Variants in SRP19 observed in about 807,000 individuals in gnomAD.
The protein encoded by SRP19 is signal recognition particle 19 kDa protein.
SRP19 carries 11 observed loss-of-function variants against 22.4 expected under a neutral mutation model. The ratio of observed to expected loss-of-function variants is 0.49; its 90% CI spans 0.31 to 0.81. The LOEUF (loss-of-function observed/expected upper bound fraction) is 0.81, where lower values mean the gene tolerates loss of function less well. SRP19 is among the 40% of genes least tolerant of loss of function. The pLI, the probability that SRP19 is intolerant of heterozygous loss-of-function variation, is 0.05. For missense variants in SRP19, 168 were observed against 175.9 expected (o/e 0.96, Z 0.25); for synonymous variants, 61 against 57.6 (o/e 1.06, Z -0.27).
At chr5:112,870,646 G>A (rs939845722), downstream of SRP19, among the ~76,000 whole-genome samples, 1 of 152,190 alleles carries the variant, frequency 6.6e-6, no homozygotes, top group Admixed American at 6.5e-5. Context: ...TTATTGAGAG[G>A]TGGAACCTTT....
intron 4 of SRP19, among the ~76,000 whole-genome samples, chr5:112,879,951 T>C (rs1561645212): frequency 6.6e-6 from 1 of 151,594 alleles, no homozygotes; most frequent in Non-Finnish European, 1.5e-5. Flanking sequence ...TAAAAGCCCA[T>C]CTCTAGTTAA....
At chr5:112,893,535 T>TC (rs2150040729), downstream of SRP19, 1 of 154,870 alleles carries the variant, frequency 6.5e-6, no homozygotes, top group East Asian at 1.9e-4. Context: ...TCTTCACCTT[T>TC]CCTATTCCTT....
At chr5:112,873,303 T>G (rs1264677836), downstream of SRP19, among the ~76,000 whole-genome samples, 2 of 144,346 alleles carry the variant, frequency 1.4e-5, no homozygotes, top group African/African-American at 2.6e-5. Context: ...TTTTTTGCCT[T>G]TATTTAGATT....
downstream of SRP19, chr5:112,894,299 T>A (rs1400310724): frequency 6.6e-6 from 1 of 152,262 alleles, no homozygotes; most frequent in Admixed American, 6.5e-5. Flanking sequence ...TTTTGTATTT[T>A]AGTAGAGACA....
At chr5:112,879,796 C>T (rs1015620953) in intron 4 of SRP19, among the ~76,000 whole-genome samples, 3 of 151,884 alleles carry the variant, frequency 2.0e-5, no homozygotes, top group Admixed American at 6.6e-5. Flanking sequence ...ACTTTAAATT[C>T]GGCCAGGCAT....
chr5:112,892,142 G>C (rs1174568398), exon 5 of SRP19: 1 of 1,614,202 alleles, frequency 6.2e-7, no homozygotes, highest in Non-Finnish European at 8.5e-7. Context: ...GTGGATTTCA[G>C]AGTAATGGAG....
rs183313500 is a variant in SRP19, at chr5:112,889,485, T to G, written c.302-2118T>G. On this transcript the variant is annotated intron_variant, in intron 4 of 4. Transcript: ENST00000391338. Reference sequence around the variant, plus strand: ...GAAGGAAAGCAATTCACCAAGAATATTAAAATTCCTGAACTTGTATATACC... The same window carrying G: ...GAAGGAAAGCAATTCACCAAGAATAGTAAAATTCCTGAACTTGTATATACC... Among the ~76,000 whole-genome samples, 13 of 150,964 alleles carry G rather than the reference T, an allele frequency of 8.6e-5. No individual in the cohort carries two copies. The East Asian group carries it at 2.6e-3, about 30-fold the overall frequency.
intron 4 of SRP19, among the ~76,000 whole-genome samples, chr5:112,888,034 A>C (rs925837677): frequency 6.6e-6 from 1 of 152,162 alleles, no homozygotes; most frequent in Non-Finnish European, 1.5e-5. Flanking sequence ...AGTTTAAAAG[A>C]TTCTAACCAC....
At chr5:112,872,250 G>T (rs1410694733), downstream of SRP19, among the ~76,000 whole-genome samples, 1 of 149,344 alleles carries the variant, frequency 6.7e-6, no homozygotes, top group Non-Finnish European at 1.5e-5. Flanking sequence ...TCTGGTGAAA[G>T]ATTGTGAAAA....
chr5:112,892,584 G>C lies in SRP19; in HGVS notation c.*977G>C, dbSNP rs183322512. 4 of 1,614,150 alleles carry C rather than the reference G, an allele frequency of 2.5e-6. No individual in the cohort carries two copies. The South Asian group carries it at 4.4e-5, about 18-fold the overall frequency. On this transcript the variant is annotated 3_prime_UTR_variant, in exon 5 of 5. Transcript: ENST00000391338. The stretch of plus-strand genomic sequence containing the variant: ...GCCCAGTGACCCGGTGGAAAATGGC[G>C]ATTTGTGGTTTATTTGAAATACAAC...
intron 2 of SRP19, among the ~76,000 whole-genome samples, chr5:112,863,948 T>C (rs1767499838): frequency 6.6e-6 from 1 of 152,200 alleles, no homozygotes; most frequent in Non-Finnish European, 1.5e-5. Flanking sequence ...TGGCCCTTTC[T>C]ACTCTGGATG....
chr5:112,869,953 C>G (rs768485756), downstream of SRP19, among the ~76,000 whole-genome samples: 33 of 151,990 alleles, frequency 2.2e-4, no homozygotes, highest in African/African-American at 3.4e-4. Context: ...TAATACATAC[C>G]TATGATAAAG....
downstream of SRP19, among the ~76,000 whole-genome samples, chr5:112,871,233 C>T (rs916000257): frequency 2.1e-5 from 3 of 141,696 alleles, no homozygotes; most frequent in Non-Finnish European, 4.5e-5. Context: ...GCAATTGGTG[C>T]AATCAGTGAA....
At position 112,861,409 on chromosome 5, in the gene SRP19, C is replaced by T. The variant is rs774748673; in HGVS notation, c.33C>T (p.Asp11=). ...GCGCTGCCGCGCGGTCCCCGGCCGA[C>T]CAGGACAGGTGGGTTCTGAGGCGGT... The part of the protein sequence containing the change: MACAAARSPA[D]QDRFICIYPA... The change falls in exon 1 of 5, where the codon GAC becomes GAT. Residue 11 remains aspartate, a synonymous_variant. Transcript: ENST00000505459. 2 of 1,613,974 alleles carry T rather than the reference C, an allele frequency of 1.2e-6. No individual in the cohort carries two copies. The highest frequency in any genetic ancestry group is 1.1e-5 in the South Asian group (1 of 91,084).
At chr5:112,878,853 G>A in intron 4 of SRP19, 5 of 1,613,962 alleles carry the variant, frequency 3.1e-6, no homozygotes, top group African/African-American at 1.3e-5. Flanking sequence ...TTTGTTAGGA[G>A]GGAAAGAAAA....
downstream of SRP19, chr5:112,897,033 A>G (rs1012905932): frequency 6.6e-6 from 1 of 152,226 alleles, no homozygotes; most frequent in Non-Finnish European, 1.5e-5. Flanking sequence ...AATGTCCTCA[A>G]TGTCTTTCAA....
intron 4 of SRP19, among the ~76,000 whole-genome samples, chr5:112,865,817 C>G (rs948794019): frequency 5.9e-5 from 9 of 152,202 alleles, no homozygotes; most frequent in African/African-American, 2.2e-4. Flanking sequence ...TGGTCTCGAT[C>G]TCTTGACCTC....
intron 2 of SRP19, 49 bp downstream of exon 2, chr5:112,862,632 A>T: frequency 6.4e-7 from 1 of 1,554,238 alleles, no homozygotes; most frequent in South Asian, 1.1e-5. Flanking sequence ...GGGGGGTGTC[A>T]TCCTGGTCGG....
chr5:112,865,397 A>G (rs495794), intron 4 of SRP19, among the ~76,000 whole-genome samples: 86,641 of 151,984 alleles, frequency 0.57, 26,204 homozygotes, highest in South Asian at 0.73. Context: ...AACGACATCA[A>G]TATAACAGAA....
Sources: gnomAD v4.1 joint callset for allele counts (sites outside exome capture counted in the v4.1 genomes callset) on GRCh38, gnomAD v4.1.1 for gene constraint, MANE v1.5 for transcripts, NCBI Gene and HGNC (gene_info 2026-07-23, HGNC 2026-07-21) for gene names.